NARF: variants seen among roughly 807,000 people sequenced by gnomAD.
NARF encodes the protein nuclear prelamin A recognition factor, also known as iron-only hydrogenase-like protein 2.
Under a neutral mutation model 48.0 loss-of-function variants are expected in NARF, and 41 were observed. The ratio of observed to expected loss-of-function variants is 0.85; its 90% CI spans 0.66 to 1.11. The LOEUF is 1.11. Among genes scored for constraint, NARF ranks in the 50% least tolerant of loss-of-function variants. The probability of loss-of-function intolerance (pLI) is 0.00; values close to 1 mark genes in which losing one functional copy is unlikely to be tolerated. For missense variants in NARF, 613 were observed against 590.2 expected (o/e 1.04, Z -0.40); for synonymous variants, 215 against 225.5 (o/e 0.95, Z 0.42).
intron 6 of NARF, among the ~76,000 whole-genome samples, chr17:82,479,546 C>A (rs912501794): frequency 6.6e-6 from 1 of 152,198 alleles, no homozygotes; most frequent in Non-Finnish European, 1.5e-5. Context: ...CTGATGTCTC[C>A]AAGGCCACCC....
chr17:82,485,241 G>GA (rs2143962784), intron 9 of NARF, among the ~76,000 whole-genome samples: 1 of 152,220 alleles, frequency 6.6e-6, no homozygotes, highest in East Asian at 1.9e-4. Flanking sequence ...CTAACACAGT[G>GA]AAACCCTATC....
At chr17:82,461,938 G>A (rs2043449038) in intron 2 of NARF, among the ~76,000 whole-genome samples, 1 of 152,228 alleles carries the variant, frequency 6.6e-6, no homozygotes, top group Admixed American at 6.5e-5. Context: ...GCCACAGGCA[G>A]AAGAGAGGTA....
intron 3 of NARF, among the ~76,000 whole-genome samples, chr17:82,465,929 GTAC>G (rs1426794273): frequency 6.6e-6 from 1 of 152,222 alleles, no homozygotes; most frequent in Non-Finnish European, 1.5e-5. Context: ...GTGTCTGGGT[GTAC>G]CCTGACTTAT....
chr17:82,458,985 G>T, intron 1 of NARF, 155 bp downstream of exon 1: 1 of 1,213,926 alleles, frequency 8.2e-7, no homozygotes. Context: ...GCGTGGAGGC[G>T]GCCGGCGCGG....
intron 8 of NARF, 44 bp downstream of exon 8, chr17:82,483,823 C>G (rs1243649023): frequency 1.3e-6 from 2 of 1,582,530 alleles, no homozygotes; most frequent in African/African-American, 2.7e-5. Context: ...GGCAGGACCT[C>G]TCGTCAGCCC....
chr17:82,467,845 G>A (rs958736003), intron 3 of NARF, among the ~76,000 whole-genome samples: 1 of 151,968 alleles, frequency 6.6e-6, no homozygotes, highest in Non-Finnish European at 1.5e-5. Flanking sequence ...TACCATTTTA[G>A]TGTGTCTGTT....
Position 82,484,849 on chromosome 17 carries a change from T to C in NARF, c.870T>C (p.His290=), listed in dbSNP as rs144321387. Residue 290 remains histidine, a synonymous_variant, in exon 9 of 11, where the codon CAT becomes CAC. Coordinates refer to ENST00000309794, the MANE Select transcript of NARF (RefSeq NM_012336.4). ...GDLKEDKVTR[H]DGASSDGHLA... is the part of the protein sequence containing the mutation. The stretch of plus-strand genomic sequence containing the variant: ...TGAAGGAGGACAAAGTGACGCGTCA[T>C]GATGGAGCCAGCTCAGACGGGCACC... 6.8e-6 allele frequency: 11 copies of C among 1,610,312 alleles called. No homozygotes were observed. The East Asian group carries it at 2.0e-4, about 30-fold the overall frequency.
chr17:82,479,434 G>A (rs1178528744), intron 6 of NARF, among the ~76,000 whole-genome samples: 2 of 152,224 alleles, frequency 1.3e-5, no homozygotes, highest in Non-Finnish European at 2.9e-5. Context: ...TCCTCTTGAT[G>A]GAGTGAGTCC....
chr17:82,478,999 A>T, intron 6 of NARF, 81 bp downstream of exon 6: 1 of 1,378,068 alleles, frequency 7.3e-7, no homozygotes, highest in Non-Finnish European at 1.0e-6. Flanking sequence ...GAGGTTCCCC[A>T]TCTGTCCAGC....
At chr17:82,482,958 C>A (rs967818468) in intron 7 of NARF, among the ~76,000 whole-genome samples, 2 of 151,436 alleles carry the variant, frequency 1.3e-5, no homozygotes, top group Non-Finnish European at 1.5e-5. Context: ...CCACACCAGG[C>A]TAATTTTTGT....
chr17:82,468,930 A>G (rs747602127), intron 4 of NARF, 34 bp downstream of exon 4: 1 of 1,609,066 alleles, frequency 6.2e-7, no homozygotes. Flanking sequence ...GGAATGTATA[A>G]CTTGAGTTTA....
intron 4 of NARF, 74 bp from the exon 5 acceptor site, chr17:82,472,490 A>C: frequency 6.7e-7 from 1 of 1,492,482 alleles, no homozygotes; most frequent in Non-Finnish European, 8.9e-7. Flanking sequence ...TCTCAAAAAA[A>C]AAAAAAAAGA....
chr17:82,483,408 A>G (rs886815322), intron 7 of NARF: 1 of 349,970 alleles, frequency 2.9e-6, no homozygotes, highest in Non-Finnish European at 5.4e-6. Flanking sequence ...GTTTCATGCA[A>G]AGTAGGCCAA....
chr17:82,489,148 C>T lies in NARF; in HGVS notation c.*991C>T, dbSNP rs532786842. The T allele has an allele frequency of 2.0e-4, 31 of 155,892 alleles. No individual in the cohort carries two copies. The highest frequency in any genetic ancestry group is 1.0e-3 in the Admixed American group (16 of 15,320). 9.7% of individuals were successfully genotyped at this position (155,892 alleles called of 1,614,324 possible). A position where few individuals can be genotyped will look rare whatever the true frequency, so the allele number is the denominator to read the frequency against. ...TTCCTCACAGCCAGTCACCACCCTCCTCCCATTCCTCACAGCCAGTCACCA... is the reference window on the plus strand; with the variant it reads ...TTCCTCACAGCCAGTCACCACCCTCTTCCCATTCCTCACAGCCAGTCACCA... On this transcript the variant is annotated 3_prime_UTR_variant, in exon 11 of 11. Transcript: ENST00000309794.
Position 82,470,784 on chromosome 17 carries a change from G to A in NARF, c.386-1780G>A, listed in dbSNP as rs978828636. Among the ~76,000 whole-genome samples the A allele has an allele frequency of 1.1e-4, 17 of 152,142 alleles. No homozygotes were observed. The South Asian group carries it at 1.9e-3, about 17-fold the overall frequency. On this transcript the variant is annotated intron_variant, in intron 4 of 10. Transcript: ENST00000309794. ...ACTGGGATTCCAGGGGTGAGCCACC[G>A]TGCCCAGCCTAATATTTATTATAGC...
chr17:82,459,784 G>A (rs558459268), intron 1 of NARF, among the ~76,000 whole-genome samples: 387 of 152,198 alleles, frequency 2.5e-3, no homozygotes, highest in African/African-American at 9.1e-3. Context: ...CAGGAGAATC[G>A]CTTGAACCCG....
chr17:82,462,986 A>C (rs2043474359), intron 2 of NARF: 3 of 152,192 alleles, frequency 2.0e-5, no homozygotes. Context: ...TTAGAAGCAC[A>C]AACTCTTGAG....
chr17:82,469,467 G>A (rs902774712), intron 4 of NARF, among the ~76,000 whole-genome samples: 2 of 152,318 alleles, frequency 1.3e-5, no homozygotes, highest in South Asian at 4.1e-4. Context: ...GGTCAAAGGG[G>A]AACTGCCTCC....
chr17:82,460,096 A>T (rs371625697), intron 2 of NARF, 24 bp downstream of exon 2: 1 of 1,600,740 alleles, frequency 6.2e-7, no homozygotes. Context: ...TCAGTTTTGT[A>T]TCAGCCCAGA....
Sources: gnomAD v4.1 joint callset for allele counts (sites outside exome capture counted in the v4.1 genomes callset) on GRCh38, gnomAD v4.1.1 for gene constraint, MANE v1.5 for transcripts, NCBI Gene and HGNC (gene_info 2026-07-23, HGNC 2026-07-21) for gene names.